Variants in ADK observed in about 807,000 individuals in gnomAD.
ADK encodes the protein N6,N6-dimethyladenosine kinase.
Under a neutral mutation model 44.7 loss-of-function variants are expected in ADK, and 24 were observed. That is an observed-to-expected ratio of 0.54 (90% CI 0.39 to 0.76). The LOEUF (loss-of-function observed/expected upper bound fraction) is 0.76, where lower values mean the gene tolerates loss of function less well. Among genes scored for constraint, ADK ranks in the 30% least tolerant of loss-of-function variants. The pLI, the probability that ADK is intolerant of heterozygous loss-of-function variation, is 0.00. For synonymous variants in ADK, 128 were observed against 142.6 expected (o/e 0.90, Z 0.73); for missense variants, 321 against 425.1 (o/e 0.76, Z 2.15).
chr10:74,256,986 A>C (rs1383318587), intron 3 of ADK, among the ~76,000 whole-genome samples: 1 of 152,328 alleles, frequency 6.6e-6, no homozygotes, highest in South Asian at 2.1e-4. Context: ...GTAAACCAAA[A>C]TGAGTTACTG....
At chr10:74,363,732 G>A (rs930348171) in intron 4 of ADK, among the ~76,000 whole-genome samples, 23 of 152,160 alleles carry the variant, frequency 1.5e-4, no homozygotes, top group African/African-American at 5.3e-4. Context: ...TTGTTTGCCC[G>A]GACAGATACC....
intron 9 of ADK, among the ~76,000 whole-genome samples, chr10:74,603,034 T>C (rs1416359864): frequency 2.6e-5 from 4 of 152,174 alleles, no homozygotes; most frequent in Admixed American, 6.6e-5. Flanking sequence ...TAAAAATGCT[T>C]GGCCTGTGGG....
chr10:74,542,685 G>A (rs989963611), intron 7 of ADK, among the ~76,000 whole-genome samples: 1 of 151,758 alleles, frequency 6.6e-6, no homozygotes, highest in Non-Finnish European at 1.5e-5. Context: ...AATCTCATTA[G>A]TTTCTGGCTC....
In ADK at chr10:74,394,182, A is replaced by G. The variant is rs987068529; in HGVS notation, c.315A>G (p.Gly105=). Residue 105 remains glycine, a synonymous_variant, in exon 5 of 11, where the codon GGA becomes GGG. Transcript: ENST00000539909. ...QQPHKAATFF[G]CIGIDKFGEI... is the part of the protein sequence containing the mutation. ...CACACAAAGCAGCAACATTTTTTGG[A>G]TGCATTGGGATAGATAAATTTGGGG... 5.0e-6 allele frequency: 8 copies of G among 1,613,884 alleles called. No individual in the cohort carries two copies. In the African/African-American group the frequency reaches 8.0e-5, roughly 16 times the overall value.
chr10:74,657,260 A>T (rs779499568), intron 9 of ADK, among the ~76,000 whole-genome samples: 3 of 152,164 alleles, frequency 2.0e-5, no homozygotes, highest in Non-Finnish European at 4.4e-5. Flanking sequence ...TTTTTAAATG[A>T]TGGAATGATG....
chr10:74,435,126 A>G lies in ADK; in HGVS notation c.555+36547A>G, dbSNP rs186158310. The stretch of plus-strand genomic sequence containing the variant: ...TGAGAGGGAAGGTTTGCTTAAAGAT[A>G]TAAGAGATTTGAGTTTGTATATTGT... On this transcript the variant is annotated intron_variant, in intron 6 of 10. Coordinates refer to ENST00000539909, the MANE Select transcript of ADK (RefSeq NM_006721.4). Among the ~76,000 whole-genome samples the G allele has an allele frequency of 7.1e-4, 108 of 152,308 alleles. 1 individual carries two copies. Among genetic ancestry groups the G allele is most frequent in the African/African-American group, 2.5e-3 (104 of 41,552 alleles).
At chr10:74,223,811 G>A (rs1591886808) in intron 2 of ADK, among the ~76,000 whole-genome samples, 1 of 152,068 alleles carries the variant, frequency 6.6e-6, no homozygotes, top group East Asian at 1.9e-4. Context: ...ACTTGAGGCC[G>A]GGTACGGTGA....
intron 6 of ADK, among the ~76,000 whole-genome samples, chr10:74,447,081 T>A (rs1845613178): frequency 6.6e-6 from 1 of 152,154 alleles, no homozygotes; most frequent in African/African-American, 2.4e-5. Context: ...CTCTACCCTC[T>A]TATGTTCAGT....
intron 8 of ADK, 62 bp from the exon 9 acceptor site, chr10:74,600,317 A>G (rs1852069584): frequency 4.0e-6 from 4 of 992,338 alleles, no homozygotes; most frequent in Non-Finnish European, 4.7e-6. Context: ...TTGTTAATCT[A>G]CTAATAAAGT....
At position 74,677,444 on chromosome 10, in the gene ADK, A is replaced by G. The variant is rs149958845; in HGVS notation, c.964+7175A>G. Among the ~76,000 whole-genome samples, 275 of 152,272 alleles carry G rather than the reference A, an allele frequency of 1.8e-3. 3 individuals carry two copies. The highest frequency in any genetic ancestry group is 8.1e-3 in the Admixed American group (124 of 15,292). ...CCTCACCTTGTTTCTTTGGTCCCAA[A>G]CATTTATAGCTTCCTTCCCCATTCT... On this transcript the variant is annotated intron_variant, in intron 10 of 10. Transcript: ENST00000539909.
At chr10:74,564,508 C>T (rs1564794245) in intron 7 of ADK, among the ~76,000 whole-genome samples, 1 of 152,084 alleles carries the variant, frequency 6.6e-6, no homozygotes, top group African/African-American at 2.4e-5. Flanking sequence ...CACAGAAATC[C>T]TTTTTCTCAA....
At chr10:74,359,848 T>G (rs958149454) in intron 4 of ADK, among the ~76,000 whole-genome samples, 2 of 152,192 alleles carry the variant, frequency 1.3e-5, no homozygotes, top group African/African-American at 4.8e-5. Context: ...CTTGTATAGA[T>G]CTTTCATCTG....
intron 3 of ADK, among the ~76,000 whole-genome samples, chr10:74,229,163 C>T (rs936723473): frequency 5.3e-5 from 8 of 152,010 alleles, no homozygotes; most frequent in Non-Finnish European, 1.2e-4. Context: ...TATTTAAATG[C>T]TTGCCAATTT....
intron 3 of ADK, among the ~76,000 whole-genome samples, chr10:74,299,164 A>C (rs552904577): frequency 1.3e-5 from 2 of 152,206 alleles, no homozygotes; most frequent in Non-Finnish European, 2.9e-5. Flanking sequence ...TCTGAAGTAG[A>C]ATCTGTTAAG....
intron 3 of ADK, among the ~76,000 whole-genome samples, chr10:74,247,082 C>T (rs1488452641): frequency 6.6e-6 from 1 of 151,704 alleles, no homozygotes; most frequent in African/African-American, 2.4e-5. Flanking sequence ...AACTTATGAT[C>T]CTAATTCTTT....
intron 7 of ADK, among the ~76,000 whole-genome samples, chr10:74,534,072 C>T (rs1849375236): frequency 6.6e-6 from 1 of 152,162 alleles, no homozygotes; most frequent in Non-Finnish European, 1.5e-5. Flanking sequence ...AAAGTGCTAA[C>T]AAATTTATGG....
chr10:74,271,189 G>T (rs543437036), intron 3 of ADK, among the ~76,000 whole-genome samples: 1 of 152,004 alleles, frequency 6.6e-6, no homozygotes, highest in South Asian at 2.1e-4. Context: ...AGTTGTGGGG[G>T]TTTTTGATAC....
intron 6 of ADK, among the ~76,000 whole-genome samples, chr10:74,474,896 G>A (rs919804949): frequency 2.0e-5 from 3 of 152,136 alleles, no homozygotes; most frequent in Non-Finnish European, 4.4e-5. Context: ...GGGAGGCTGA[G>A]GTAGGCAGAT....
intron 1 of ADK, among the ~76,000 whole-genome samples, chr10:74,193,882 A>G (rs181718521): frequency 2.3e-3 from 343 of 152,322 alleles, no homozygotes; most frequent in Non-Finnish European, 4.2e-3. Context: ...TTTCAAAAAA[A>G]TCTTTACCCT....
Sources: gnomAD v4.1 joint callset for allele counts (sites outside exome capture counted in the v4.1 genomes callset) on GRCh38, gnomAD v4.1.1 for gene constraint, MANE v1.5 for transcripts, NCBI Gene and HGNC (gene_info 2026-07-23, HGNC 2026-07-21) for gene names.